The following SOBP variants were observed in gnomAD, a reference collection of about 807,000 sequenced individuals.
SOBP encodes sine oculis binding protein homolog, also known as sine oculis-binding protein homolog.
SOBP carries 4 observed loss-of-function variants against 53.6 expected under a neutral mutation model. The observed-to-expected ratio is 0.07, with a 90% CI of 0.04 to 0.17. The LOEUF (loss-of-function observed/expected upper bound fraction) is 0.17, where lower values mean the gene tolerates loss of function less well. Among genes scored for constraint, SOBP ranks in the 10% least tolerant of loss-of-function variants. The probability of loss-of-function intolerance (pLI) is 1.00; values close to 1 mark genes in which losing one functional copy is unlikely to be tolerated. For missense variants in SOBP, 1,088 were observed against 1,204.7 expected, an observed-to-expected ratio of 0.90 and a Z score of 1.43; for synonymous variants, 584 against 522.6, an observed-to-expected ratio of 1.12 and a Z score of -1.60.
intron 5 of SOBP, among the ~76,000 whole-genome samples, chr6:107,593,048 TTCA>T (rs1003076797): frequency 6.6e-6 from 1 of 152,206 alleles, no homozygotes; most frequent in African/African-American, 2.4e-5. Flanking sequence ...GTGCTGGTGT[TTCA>T]TCTTCTTCTC....
At chr6:107,514,259 A>C (rs1783253533) in intron 3 of SOBP, 1 of 152,224 alleles carries the variant, frequency 6.6e-6, no homozygotes, top group Admixed American at 6.5e-5. Flanking sequence ...ATATAATTTT[A>C]GTTGCATATG....
chr6:107,623,182 A>G (rs1583283146), intron 5 of SOBP, among the ~76,000 whole-genome samples: 1 of 152,338 alleles, frequency 6.6e-6, no homozygotes, highest in Middle Eastern at 3.4e-3. Flanking sequence ...TGGTCCGACA[A>G]TCAGAGGCTC....
At chr6:107,542,850 C>G (rs12213263) in intron 4 of SOBP, among the ~76,000 whole-genome samples, 2,835 of 151,700 alleles carry the variant, frequency 0.019, 45 homozygotes, top group East Asian at 0.054. Context: ...GATTTTCTTT[C>G]TGTAGGGCAG....
chr6:107,624,645 C>G (rs1192044537), intron 5 of SOBP, among the ~76,000 whole-genome samples: 1 of 152,186 alleles, frequency 6.6e-6, no homozygotes, highest in East Asian at 1.9e-4. Flanking sequence ...TTACAACCCT[C>G]TTTAGCAAGC....
At chr6:107,527,501 T>A (rs1339215222) in intron 3 of SOBP, among the ~76,000 whole-genome samples, 1 of 152,222 alleles carries the variant, frequency 6.6e-6, no homozygotes, top group Non-Finnish European at 1.5e-5. Flanking sequence ...CTCTCCAGAT[T>A]GCATACAGCT....
At chr6:107,629,029 A>C (rs1251386375) in intron 5 of SOBP, among the ~76,000 whole-genome samples, 1 of 152,190 alleles carries the variant, frequency 6.6e-6, no homozygotes, top group African/African-American at 2.4e-5. Flanking sequence ...CCTAGACTAC[A>C]AGATCAGTGC....
intron 4 of SOBP, among the ~76,000 whole-genome samples, chr6:107,543,771 A>G (rs890538931): frequency 6.6e-6 from 1 of 152,208 alleles, no homozygotes; most frequent in African/African-American, 2.4e-5. Flanking sequence ...GGATTGAAAG[A>G]TAAAAATGTG....
chr6:107,566,378 C>A (rs1784917556), intron 4 of SOBP, among the ~76,000 whole-genome samples: 1 of 152,236 alleles, frequency 6.6e-6, no homozygotes, highest in African/African-American at 2.4e-5. Context: ...GGAGCCCATT[C>A]CCCTCTCCCC....
At chr6:107,490,744 G>A (rs766270606) in intron 1 of SOBP, 32 bp downstream of exon 1, 1 of 1,513,534 alleles carries the variant, frequency 6.6e-7, no homozygotes, top group Non-Finnish European at 9.0e-7. Flanking sequence ...CAGGGAGACT[G>A]AGCTCTTTCT....
rs1434326056 is a variant in SOBP, at chr6:107,634,249, C to T, written c.1405C>T (p.Pro469Ser). ...CCACCCCCCGAGCACCCCCACCATG[C>T]CCGGGAACCCCCCAGGCCTGCTGCC... Reference protein sequence around the residue: ...HIHPPSTPTMPGNPPGLLPPP... With the variant: ...HIHPPSTPTMSGNPPGLLPPP... The change falls in exon 6 of 7, where the codon CCC (proline) becomes TCC (serine). Residue 469 changes from proline (P) to serine (S), a missense_variant. Coordinates refer to ENST00000317357, the MANE Select transcript of SOBP (RefSeq NM_018013.4). The surrounding 1 kb of genome is among the most constrained non-coding windows in gnomAD (Gnocchi z 4.5). 2 of 1,572,846 alleles carry T rather than the reference C, an allele frequency of 1.3e-6. No individual in the cohort carries two copies. Among genetic ancestry groups the T allele is most frequent in the South Asian group, 2.3e-5 (2 of 88,072 alleles).
In SOBP at chr6:107,507,380, A is replaced by G. The variant is rs540344043; in HGVS notation, c.421+953A>G. ...GAGAGCAGTGGTGCTATCTTGGCTC[A>G]CTGCAACCTCTGCCTCCCGAGTTCA... On this transcript the variant is annotated intron_variant, in intron 3 of 6. Coordinates refer to ENST00000317357, the MANE Select transcript of SOBP (RefSeq NM_018013.4). Among the ~76,000 whole-genome samples, 27 of 152,154 alleles carry G rather than the reference A, an allele frequency of 1.8e-4. No individual in the cohort carries two copies. In the South Asian group the frequency reaches 5.2e-3, roughly 29 times the overall value.
At chr6:107,567,131 C>T (rs991171953) in intron 4 of SOBP, among the ~76,000 whole-genome samples, 2 of 152,110 alleles carry the variant, frequency 1.3e-5, no homozygotes, top group African/African-American at 4.8e-5. Context: ...GAAGGACTCA[C>T]TTTTTTCCTG....
chr6:107,606,840 A>T (rs1326532853), intron 5 of SOBP, among the ~76,000 whole-genome samples: 1 of 152,158 alleles, frequency 6.6e-6, no homozygotes. Context: ...GCCAGGGGCA[A>T]TCCCAGCCTG....
chr6:107,524,596 C>T (rs1328357379), intron 3 of SOBP, among the ~76,000 whole-genome samples: 1 of 152,184 alleles, frequency 6.6e-6, no homozygotes, highest in Non-Finnish European at 1.5e-5. Flanking sequence ...CACCATGGGA[C>T]TTTGTGGACC....
chr6:107,611,432 T>C (rs2115102138), intron 5 of SOBP, among the ~76,000 whole-genome samples: 1 of 152,302 alleles, frequency 6.6e-6, no homozygotes, highest in Admixed American at 6.5e-5. Flanking sequence ...GTGCAAACCA[T>C]GATAGATGCC....
chr6:107,508,854 C>T (rs1336466504), intron 3 of SOBP, among the ~76,000 whole-genome samples: 2 of 152,028 alleles, frequency 1.3e-5, no homozygotes, highest in East Asian at 3.9e-4. Context: ...GTAGAGTTTA[C>T]GTTTGAATAT....
At position 107,496,219 on chromosome 6, in the gene SOBP, T is replaced by C. The variant is rs76963912; in HGVS notation, c.96+5507T>C. Among the ~76,000 whole-genome samples, 1,193 of 152,330 alleles carry C rather than the reference T, an allele frequency of 7.8e-3. 16 individuals are homozygous for C. Among genetic ancestry groups the C allele is most frequent in the African/African-American group, 0.027 (1,118 of 41,572 alleles). On this transcript the variant is annotated intron_variant, in intron 1 of 6. Transcript: ENST00000317357. ...CAATGTAACAAGTCTTGGTGATTTT[T>C]TAAGGCAGTTCTGCAGCTGTGAAAA...
chr6:107,503,550 G>T (rs1252262493), intron 1 of SOBP, 107 bp from the exon 2 acceptor site: 19 of 1,227,266 alleles, frequency 1.5e-5, no homozygotes, highest in African/African-American at 3.0e-5. Flanking sequence ...GGGAAGTGAG[G>T]CAGGGCTGCA....
chr6:107,651,869 A>G (rs1228195929), intron 6 of SOBP, among the ~76,000 whole-genome samples: 1 of 152,200 alleles, frequency 6.6e-6, no homozygotes, highest in African/African-American at 2.4e-5. Context: ...GAGCTCTGTC[A>G]GTGGAACAAC....
Sources: gnomAD v4.1 joint callset for allele counts (sites outside exome capture counted in the v4.1 genomes callset) on GRCh38, gnomAD v4.1.1 for gene constraint, Gnocchi (gnomAD v3.1) non-coding constraint, MANE v1.5 for transcripts, NCBI Gene and HGNC (gene_info 2026-07-23, HGNC 2026-07-21) for gene names.